The following DLG2 variants were observed in gnomAD, a reference collection of about 807,000 sequenced individuals.
DLG2 encodes disks large homolog 2.
Under a neutral mutation model 132.5 loss-of-function variants are expected in DLG2, and 45 were observed. The observed-to-expected ratio is 0.34, with a 90% confidence interval of 0.27 to 0.44. The LOEUF (loss-of-function observed/expected upper bound fraction) is 0.44, where lower values mean the gene tolerates loss of function less well. DLG2 is among the 20% of genes least tolerant of loss of function. The probability of loss-of-function intolerance (pLI) is 1.00; values close to 1 mark genes in which losing one functional copy is unlikely to be tolerated. For synonymous variants in DLG2, 424 were observed against 419.6 expected, an observed-to-expected ratio of 1.01 and a Z score of -0.13; for missense variants, 1,045 against 1,196.9, an observed-to-expected ratio of 0.87 and a Z score of 1.87.
intron 3 of DLG2, among the ~76,000 whole-genome samples, chr11:85,408,049 A>G (rs543432447): frequency 2.6e-5 from 4 of 151,730 alleles, no homozygotes; most frequent in Non-Finnish European, 5.9e-5. Context: ...CAAAATGCTA[A>G]AAGTATTTAT....
chr11:83,859,581 G>T (rs938721920), intron 16 of DLG2, among the ~76,000 whole-genome samples: 1 of 152,126 alleles, frequency 6.6e-6, no homozygotes, highest in African/African-American at 2.4e-5. Flanking sequence ...GCTGTTAAAG[G>T]CATTCAGTTT....
Position 85,407,112 on chromosome 11 carries a change from C to T in DLG2, c.41-121747G>A, listed in dbSNP as rs188382979. ...GTATGCCTAGATTAGAGTGAGAGAA[C>T]GAAAAATCATAAGAATGAAGTCGAA... On this transcript the variant is annotated intron_variant, in intron 3 of 27. Transcript: ENST00000376104. Among the ~76,000 whole-genome samples, 922 of 151,648 alleles carry T rather than the reference C, an allele frequency of 6.1e-3. 7 individuals carry two copies. The highest frequency in any genetic ancestry group is 6.2e-3 in the Non-Finnish European group (419 of 67,820).
chr11:83,711,866 T>C (rs987349659), intron 18 of DLG2, among the ~76,000 whole-genome samples: 5 of 152,118 alleles, frequency 3.3e-5, no homozygotes, highest in African/African-American at 9.7e-5. Flanking sequence ...ACATATTCTT[T>C]TAAAGAATTT....
At chr11:85,299,098 C>T (rs1487486096) in intron 3 of DLG2, among the ~76,000 whole-genome samples, 1 of 152,118 alleles carries the variant, frequency 6.6e-6, no homozygotes, top group African/African-American at 2.4e-5. Context: ...ATAATAAAGG[C>T]CATTCATCAA....
chr11:84,825,319 C>T (rs1285853846), intron 6 of DLG2, among the ~76,000 whole-genome samples: 1 of 151,978 alleles, frequency 6.6e-6, no homozygotes, highest in Admixed American at 6.6e-5. Context: ...ACTGTCCTTT[C>T]ACATTCCTAA....
intron 6 of DLG2, among the ~76,000 whole-genome samples, chr11:84,829,098 A>C (rs2078697965): frequency 1.3e-5 from 2 of 151,620 alleles, no homozygotes; most frequent in South Asian, 4.1e-4. Flanking sequence ...CCTGAGTAAA[A>C]CATAATTAGA....
intron 7 of DLG2, among the ~76,000 whole-genome samples, chr11:84,373,265 C>CAAAACAAAA (rs2098715517): frequency 1.0e-4 from 10 of 98,052 alleles, no homozygotes; most frequent in Non-Finnish European, 1.8e-4. Flanking sequence ...AAAAAAAAAA[C>CAAAACAAAA]AAAACAAAAA....
intron 6 of DLG2, among the ~76,000 whole-genome samples, chr11:84,853,450 C>G (rs1042075823): frequency 6.6e-6 from 1 of 151,966 alleles, no homozygotes; most frequent in Non-Finnish European, 1.5e-5. Context: ...TTGTCTTGTT[C>G]AAACATTATC....
chr11:83,804,747 A>G lies in DLG2; in HGVS notation c.1723-17955T>C, dbSNP rs59174314. On this transcript the variant is annotated intron_variant, in intron 17 of 27. Transcript: ENST00000376104. The stretch of plus-strand genomic sequence containing the variant: ...ATGCCATTATTACTCCAGAGAAAGC[A>G]AACAAAACTAATATTTCTATAACAT... Among the ~76,000 whole-genome samples, 1,315 of 152,250 alleles carry G rather than the reference A, an allele frequency of 8.6e-3. 25 individuals are homozygous for G. Among genetic ancestry groups the G allele is most frequent in the African/African-American group, 0.03 (1,231 of 41,558 alleles).
At chr11:85,540,581 A>C (rs1340959623) in intron 3 of DLG2, among the ~76,000 whole-genome samples, 1 of 152,216 alleles carries the variant, frequency 6.6e-6, no homozygotes, top group Non-Finnish European at 1.5e-5. Flanking sequence ...CATGTGATTC[A>C]ATTTTTCTGG....
At chr11:83,773,543 C>T (rs562323136) in intron 18 of DLG2, among the ~76,000 whole-genome samples, 3 of 152,164 alleles carry the variant, frequency 2.0e-5, no homozygotes, top group Non-Finnish European at 4.4e-5. Context: ...CTTTAGTTAA[C>T]CTGGTCAGCA....
At position 85,078,666 on chromosome 11, in the gene DLG2, G is replaced by A. The variant is rs114143012; in HGVS notation, c.357+32995C>T. ...AAAAAGCAGGGAAGACATTTTGGTA[G>A]GAGAAGAAGAAACAGGAGAGAGAGG... On this transcript the variant is annotated intron_variant, in intron 6 of 27. Transcript: ENST00000376104. Among the ~76,000 whole-genome samples, 106 of 152,076 alleles carry A rather than the reference G, an allele frequency of 7.0e-4. 1 individual carries two copies. The highest frequency in any genetic ancestry group is 2.3e-3 in the African/African-American group (95 of 41,518).
chr11:84,328,881 T>C (rs1599966206), intron 7 of DLG2, among the ~76,000 whole-genome samples: 2 of 152,240 alleles, frequency 1.3e-5, no homozygotes, highest in East Asian at 3.8e-4. Flanking sequence ...TCTGGGCTTA[T>C]ATCATTTTGC....
chr11:84,509,806 T>A (rs987172414), intron 7 of DLG2, among the ~76,000 whole-genome samples: 1 of 152,024 alleles, frequency 6.6e-6, no homozygotes, highest in Non-Finnish European at 1.5e-5. Flanking sequence ...CAAAATGTGA[T>A]CTAATATATG....
intron 3 of DLG2, among the ~76,000 whole-genome samples, chr11:85,314,834 A>T (rs1172038640): frequency 1.3e-5 from 2 of 152,008 alleles, no homozygotes; most frequent in South Asian, 2.1e-4. Flanking sequence ...AAGGAGAGAT[A>T]CATTGTCAGC....
At chr11:85,541,825 C>T (rs2075994322) in intron 3 of DLG2, among the ~76,000 whole-genome samples, 1 of 152,134 alleles carries the variant, frequency 6.6e-6, no homozygotes, top group Non-Finnish European at 1.5e-5. Flanking sequence ...TCTCCTAATA[C>T]TAGGCTTCCT....
chr11:84,420,689 G>C (rs1320912358), intron 7 of DLG2, among the ~76,000 whole-genome samples: 1 of 20,260 alleles, frequency 4.9e-5, no homozygotes, highest in African/African-American at 9.9e-5. Context: ...TTTTTTTTGA[G>C]ACGGAGTCTT....
intron 8 of DLG2, chr11:84,166,760 A>G (rs901669748): frequency 2.6e-5 from 9 of 348,666 alleles, no homozygotes; most frequent in African/African-American, 1.9e-4. Context: ...GCAAAACCAA[A>G]ACTGTTATAA....
chr11:85,196,555 A>G (rs986242359), intron 4 of DLG2, among the ~76,000 whole-genome samples: 11 of 152,178 alleles, frequency 7.2e-5, no homozygotes, highest in Non-Finnish European at 1.0e-4. Context: ...CATGATGTCA[A>G]AAAAGTGGGA....
Sources: gnomAD v4.1 joint callset for allele counts (sites outside exome capture counted in the v4.1 genomes callset) on GRCh38, gnomAD v4.1.1 for gene constraint, MANE v1.5 for transcripts, NCBI Gene and HGNC (gene_info 2026-07-23, HGNC 2026-07-21) for gene names.